The following SPRY3 variants were observed in gnomAD, a reference collection of about 807,000 sequenced individuals.
The protein encoded by SPRY3 is protein sprouty homolog 3.
Under a neutral mutation model 20.2 loss-of-function variants are expected in SPRY3, and 15 were observed. That is an observed-to-expected ratio of 0.74 (90% CI 0.50 to 1.14). The LOEUF (loss-of-function observed/expected upper bound fraction) is 1.14. Among genes scored for constraint, SPRY3 ranks in the 50% most tolerant of loss-of-function variants. SPRY3 has a pLI of 0.00. For synonymous variants in SPRY3, 143 were observed against 136.5 expected, an observed-to-expected ratio of 1.05 and a Z score of -0.33; for missense variants, 364 against 363.9, an observed-to-expected ratio of 1.00 and a Z score of 0.00.
At chrX:155,670,029 C>T (rs181132496) in intron 2 of SPRY3, 36 of 111,603 alleles carry the variant, frequency 3.2e-4, no homozygotes, top group African/African-American at 9.1e-4. Flanking sequence ...TGTTAAAACA[C>T]GTGATATCGT....
At chrX:155,713,801 T>A (rs2091003160) in intron 2 of SPRY3, among the ~76,000 whole-genome samples, 2 of 152,098 alleles carry the variant, frequency 1.3e-5, no homozygotes, top group Non-Finnish European at 1.5e-5. Flanking sequence ...GCTCTTTCCC[T>A]ACCTTCTCTT....
chrX:155,712,578 A>T (rs1005894554), intron 2 of SPRY3, among the ~76,000 whole-genome samples: 1 of 152,014 alleles, frequency 6.6e-6, no homozygotes, highest in Non-Finnish European at 1.5e-5. Flanking sequence ...GTATCTTTAT[A>T]GGTGAAGTGT....
chrX:155,713,956 C>T (rs1435702143), intron 2 of SPRY3, among the ~76,000 whole-genome samples: 1 of 152,112 alleles, frequency 6.6e-6, no homozygotes, highest in Non-Finnish European at 1.5e-5. Flanking sequence ...ATTCTTTCTT[C>T]TGCTTCATCA....
intron 2 of SPRY3, among the ~76,000 whole-genome samples, chrX:155,765,137 A>G (rs1312727921): frequency 7.9e-5 from 12 of 152,168 alleles, no homozygotes; most frequent in Non-Finnish European, 1.6e-4. Context: ...ATATTGGTAG[A>G]TAGGTTTCAA....
chrX:155,770,020 T>C (rs1397618144), intron 3 of SPRY3, among the ~76,000 whole-genome samples: 2 of 152,160 alleles, frequency 1.3e-5, no homozygotes, highest in African/African-American at 2.4e-5. Context: ...ATTCCCCCTA[T>C]GTTTGCTTTC....
chrX:155,715,559 G>C (rs1185322170), intron 2 of SPRY3, among the ~76,000 whole-genome samples: 1 of 152,138 alleles, frequency 6.6e-6, no homozygotes, highest in Non-Finnish European at 1.5e-5. Flanking sequence ...AGTAGTGCAA[G>C]AACTCCCCCA....
intron 1 of SPRY3, among the ~76,000 whole-genome samples, chrX:155,617,384 A>T (rs144220339): frequency 9.0e-6 from 1 of 110,987 alleles, no homozygotes; most frequent in African/African-American, 3.3e-5. Flanking sequence ...ATAAAACTGC[A>T]TAAAATATGC....
At chrX:155,656,886 A>G (rs1426007670) in exon 2 of SPRY3, among the ~76,000 whole-genome samples, 1 of 111,500 alleles carries the variant, frequency 9.0e-6, no homozygotes, top group Non-Finnish European at 1.9e-5. Context: ...AGTTTCCTGG[A>G]GGTCCACTCC....
chrX:155,726,962 T>G (rs2091102442), intron 2 of SPRY3, among the ~76,000 whole-genome samples: 1 of 152,192 alleles, frequency 6.6e-6, no homozygotes, highest in South Asian at 2.1e-4. Flanking sequence ...CTGGTACTGG[T>G]TGTTCCTTTC....
At chrX:155,671,889 T>C (rs1557354795) in intron 2 of SPRY3, among the ~76,000 whole-genome samples, 2 of 111,748 alleles carry the variant, frequency 1.8e-5, no homozygotes, top group African/African-American at 6.5e-5. Context: ...CCCAGCACCA[T>C]TTATTAAATA....
downstream of SPRY3, chrX:155,779,153 T>A (rs1012479173): frequency 3.0e-5 from 5 of 167,066 alleles, no homozygotes; most frequent in Non-Finnish European, 7.3e-5. Flanking sequence ...CTTCCCCATG[T>A]GATATTTACC....
chrX:155,755,218 C>T (rs2091279562), intron 2 of SPRY3, among the ~76,000 whole-genome samples: 1 of 148,254 alleles, frequency 6.7e-6, no homozygotes, highest in Non-Finnish European at 1.5e-5. Context: ...TGAACACATC[C>T]CAGTTTAATC....
intron 2 of SPRY3, among the ~76,000 whole-genome samples, chrX:155,760,052 C>G (rs1232609841): frequency 6.6e-6 from 1 of 152,122 alleles, no homozygotes; most frequent in Non-Finnish European, 1.5e-5. Context: ...CTATTGTAAT[C>G]ACTGGTTTTA....
chrX:155,670,844 T>C (rs1394198173), intron 2 of SPRY3, among the ~76,000 whole-genome samples: 6 of 111,944 alleles, frequency 5.4e-5, no homozygotes, highest in Admixed American at 2.9e-4. Flanking sequence ...AAGCCTTTTA[T>C]TGCAATGTTC....
chrX:155,757,794 C>T (rs1170593521), intron 2 of SPRY3, among the ~76,000 whole-genome samples: 1 of 152,160 alleles, frequency 6.6e-6, no homozygotes, highest in Non-Finnish European at 1.5e-5. Context: ...GAATCACACT[C>T]TAAAAAGAAA....
At chrX:155,779,832 T>A (rs1478920702), downstream of SPRY3, 1 of 167,038 alleles carries the variant, frequency 6.0e-6, no homozygotes, top group Non-Finnish European at 1.5e-5. Flanking sequence ...AATAGTTCCC[T>A]GTGTCCTATA....
At chrX:155,649,078 G>A (rs1391597561) in intron 1 of SPRY3, among the ~76,000 whole-genome samples, 2 of 111,328 alleles carry the variant, frequency 1.8e-5, no homozygotes, top group South Asian at 3.8e-4. Context: ...GGAAGAAGTC[G>A]AATCACTGAA....
chrX:155,778,930 G>C (rs1298669943), downstream of SPRY3: 3 of 166,932 alleles, frequency 1.8e-5, no homozygotes, highest in African/African-American at 7.2e-5. Flanking sequence ...TACGATCCAG[G>C]GTAGTATGAG....
At chrX:155,724,551 A>G (rs1478741526) in intron 2 of SPRY3, among the ~76,000 whole-genome samples, 1 of 152,076 alleles carries the variant, frequency 6.6e-6, no homozygotes, top group African/African-American at 2.4e-5. Flanking sequence ...GTTGGATTTT[A>G]TTCTCTTTGA....
Sources: gnomAD v4.1 joint callset for allele counts (sites outside exome capture counted in the v4.1 genomes callset) on GRCh38, gnomAD v4.1.1 for gene constraint, MANE v1.5 for transcripts, NCBI Gene and HGNC (gene_info 2026-07-23, HGNC 2026-07-21) for gene names.